Variants in CAMK2D observed in about 807,000 individuals in gnomAD.
The protein encoded by CAMK2D is calcium/calmodulin-dependent protein kinase type II subunit delta.
CAMK2D carries 37 observed loss-of-function variants against 84.0 expected under a neutral mutation model. The ratio of observed to expected loss-of-function variants is 0.44; its 90% CI spans 0.34 to 0.58. The LOEUF (loss-of-function observed/expected upper bound fraction) is 0.58, where lower values mean the gene tolerates loss of function less well. Among genes scored for constraint, CAMK2D ranks in the 20% least tolerant of loss-of-function variants. The probability of loss-of-function intolerance (pLI) is 0.02; values close to 1 mark genes in which losing one functional copy is unlikely to be tolerated. For missense variants in CAMK2D, 448 were observed against 652.5 expected, an observed-to-expected ratio of 0.69 and a Z score of 3.41; for synonymous variants, 202 against 212.5, an observed-to-expected ratio of 0.95 and a Z score of 0.43.
intron 7 of CAMK2D, among the ~76,000 whole-genome samples, chr4:113,532,318 TG>T (rs139556134): frequency 0.054 from 8,166 of 152,250 alleles, 668 homozygotes; most frequent in African/African-American, 0.18. Flanking sequence ...CTGTTTGTTT[TG>T]GGGGAAGATT....
chr4:113,637,530 T>C (rs2154291674), intron 3 of CAMK2D, among the ~76,000 whole-genome samples: 1 of 152,324 alleles, frequency 6.6e-6, no homozygotes, highest in East Asian at 1.9e-4. Context: ...GTGGTTTCAT[T>C]TGTATTTGGT....
At chr4:113,536,951 T>C (rs947813892) in intron 7 of CAMK2D, among the ~76,000 whole-genome samples, 5 of 152,188 alleles carry the variant, frequency 3.3e-5, no homozygotes, top group Admixed American at 6.5e-5. Context: ...CTGTGTTTCT[T>C]GAGCATCTAC....
At chr4:113,466,896 C>CCT (rs2097479808) in intron 16 of CAMK2D, among the ~76,000 whole-genome samples, 1 of 152,132 alleles carries the variant, frequency 6.6e-6, no homozygotes, top group Non-Finnish European at 1.5e-5. Context: ...ATTAAACTTT[C>CCT]TGTACTGTGT....
chr4:113,691,071 A>G (rs1203569321), intron 2 of CAMK2D, among the ~76,000 whole-genome samples: 1 of 152,218 alleles, frequency 6.6e-6, no homozygotes. Flanking sequence ...AATATTCCTT[A>G]ATAGAACACT....
At chr4:113,627,714 A>G (rs2099073624) in intron 3 of CAMK2D, among the ~76,000 whole-genome samples, 1 of 152,180 alleles carries the variant, frequency 6.6e-6, no homozygotes, top group Non-Finnish European at 1.5e-5. Flanking sequence ...GCACCAAAAC[A>G]TGGCATTACA....
chr4:113,534,532 C>T (rs564166587), intron 7 of CAMK2D, among the ~76,000 whole-genome samples: 1 of 152,260 alleles, frequency 6.6e-6, no homozygotes, highest in Admixed American at 6.5e-5. Context: ...GCTGAGCTGT[C>T]ACTGCTTCTT....
intron 4 of CAMK2D, among the ~76,000 whole-genome samples, chr4:113,605,852 C>G (rs553785310): frequency 6.6e-6 from 1 of 152,034 alleles, no homozygotes; most frequent in African/African-American, 2.4e-5. Context: ...AGAAGGCCTG[C>G]TAAAGAACAG....
chr4:113,556,469 G>A (rs568378869), intron 4 of CAMK2D, among the ~76,000 whole-genome samples: 1 of 152,270 alleles, frequency 6.6e-6, no homozygotes, highest in Admixed American at 6.5e-5. Flanking sequence ...TTGAGTACTG[G>A]TGAGGGCAGG....
chr4:113,648,729 AT>A lies in CAMK2D; in HGVS notation c.220+12983del, dbSNP rs147456812. Among the ~76,000 whole-genome samples the A allele has an allele frequency of 2.9e-3, 440 of 152,302 alleles. 1 individual carries two copies. The highest frequency in any genetic ancestry group is 9.9e-3 in the African/African-American group (413 of 41,554). On this transcript the variant is annotated intron_variant, in intron 3 of 20. Coordinates refer to ENST00000511664, the MANE Select transcript of CAMK2D (RefSeq NM_001321571.2). The stretch of plus-strand genomic sequence containing the variant: ...ACTTGACTGCTCTTGACTCAGCAGC[AT>A]TCAGTCTTAGTCTAAGAAAGATGAT...
chr4:113,697,976 G>A (rs553667439), intron 2 of CAMK2D, among the ~76,000 whole-genome samples: 2 of 152,100 alleles, frequency 1.3e-5, no homozygotes, highest in East Asian at 3.9e-4. Flanking sequence ...TTATTATAGA[G>A]TTACATCCCA....
intron 12 of CAMK2D, among the ~76,000 whole-genome samples, chr4:113,512,107 G>T (rs1295694907): frequency 6.6e-6 from 1 of 152,186 alleles, no homozygotes; most frequent in Non-Finnish European, 1.5e-5. Flanking sequence ...AACTAAACTG[G>T]TAGTATTTTT....
At chr4:113,535,701 T>G (rs17046194) in intron 7 of CAMK2D, among the ~76,000 whole-genome samples, 1 of 152,232 alleles carries the variant, frequency 6.6e-6, no homozygotes, top group Non-Finnish European at 1.5e-5. Flanking sequence ...CTGTCTGGAA[T>G]GCCTTAATCT....
intron 2 of CAMK2D, among the ~76,000 whole-genome samples, chr4:113,705,812 A>T (rs1400610903): frequency 6.6e-6 from 1 of 152,290 alleles, no homozygotes; most frequent in East Asian, 1.9e-4. Flanking sequence ...CAACATTTTA[A>T]AAGGACGTAA....
intron 2 of CAMK2D, among the ~76,000 whole-genome samples, chr4:113,735,191 C>T (rs1034348283): frequency 1.3e-5 from 2 of 149,228 alleles, no homozygotes; most frequent in African/African-American, 4.9e-5. Flanking sequence ...GTGGCTCACG[C>T]CTGTAATCCT....
intron 8 of CAMK2D, among the ~76,000 whole-genome samples, chr4:113,526,839 C>T (rs75658955): frequency 0.028 from 4,287 of 151,566 alleles, 171 homozygotes; most frequent in African/African-American, 0.098. Flanking sequence ...ACCACAGATC[C>T]ACTAAAGCAG....
At chr4:113,557,876 G>A (rs575266540) in intron 4 of CAMK2D, among the ~76,000 whole-genome samples, 3 of 152,268 alleles carry the variant, frequency 2.0e-5, no homozygotes, top group Admixed American at 6.5e-5. Context: ...CAGAGTACCT[G>A]TGCATATATA....
chr4:113,712,527 C>G (rs1396486284), intron 2 of CAMK2D, among the ~76,000 whole-genome samples: 1 of 151,960 alleles, frequency 6.6e-6, no homozygotes, highest in Non-Finnish European at 1.5e-5. Context: ...TCATTCACCT[C>G]AAATTACATA....
intron 9 of CAMK2D, among the ~76,000 whole-genome samples, chr4:113,517,017 ATAAAT>A (rs1003671650): frequency 2.0e-5 from 3 of 151,868 alleles, no homozygotes; most frequent in African/African-American, 7.2e-5. Flanking sequence ...TATTCTAATT[ATAAAT>A]TAAATATATT....
chr4:113,567,866 G>C (rs933798237), intron 4 of CAMK2D, among the ~76,000 whole-genome samples: 1 of 152,136 alleles, frequency 6.6e-6, no homozygotes. Context: ...ATAAACATTA[G>C]TTATAATTAT....
Sources: gnomAD v4.1 joint callset for allele counts (sites outside exome capture counted in the v4.1 genomes callset) on GRCh38, gnomAD v4.1.1 for gene constraint, MANE v1.5 for transcripts, NCBI Gene and HGNC (gene_info 2026-07-23, HGNC 2026-07-21) for gene names.